Variants in KIAA0319 observed in about 807,000 individuals in gnomAD.
KIAA0319 encodes the protein KIAA0319, also known as dyslexia-associated protein KIAA0319.
A neutral mutation model predicts 108.4 loss-of-function variants in KIAA0319; 83 were observed. The observed-to-expected ratio is 0.77, with a 90% CI of 0.64 to 0.92. KIAA0319 has a LOEUF of 0.92. KIAA0319 is among the 40% of genes least tolerant of loss of function. The pLI is 0.00. For missense variants in KIAA0319, 1,195 were observed against 1,322.4 expected (o/e 0.90, Z 1.49); for synonymous variants, 484 against 510.4 (o/e 0.95, Z 0.70).
chr6:24,600,840 C>T, intron 2 of KIAA0319: 2 of 765,412 alleles, frequency 2.6e-6, no homozygotes, highest in South Asian at 4.1e-5. Context: ...TTTTATTTTC[C>T]CATGGAATAG....
At position 24,645,918 on chromosome 6, in the gene KIAA0319, T is replaced by G. The variant is rs1758352209; in HGVS notation, c.-288A>C. ...ACACCCTCGCGCGCGCACCTGCTGT[T>G]AAGAGGTACAGCCCCACCCCAGCAA... is the stretch of plus-strand genomic sequence containing the variant. On this transcript the variant is annotated 5_prime_UTR_variant, in exon 1 of 21. Transcript: ENST00000378214. The G allele has an allele frequency of 1.3e-5, 2 of 149,894 alleles. No homozygotes were observed. Among genetic ancestry groups the G allele is most frequent in the Admixed American group, 1.3e-4 (2 of 14,872 alleles). 9.3% of individuals were successfully genotyped at this position (149,894 alleles called of 1,614,324 possible). A position where few individuals can be genotyped will look rare whatever the true frequency, so the allele number is the denominator to read the frequency against.
intron 1 of KIAA0319, among the ~76,000 whole-genome samples, chr6:24,644,607 A>AG (rs990960075): frequency 2.7e-5 from 2 of 75,004 alleles, no homozygotes; most frequent in African/African-American, 6.7e-5. Context: ...TCTATTGGCT[A>AG]GGGAAAAAAA....
At chr6:24,570,887 G>T (rs1354153814) in intron 11 of KIAA0319, among the ~76,000 whole-genome samples, 1 of 152,110 alleles carries the variant, frequency 6.6e-6, no homozygotes, top group African/African-American at 2.4e-5. Context: ...AAAAGTAAAA[G>T]ATATAAAGTA....
intron 1 of KIAA0319, among the ~76,000 whole-genome samples, chr6:24,629,310 T>C (rs1182031615): frequency 6.6e-6 from 1 of 151,844 alleles, no homozygotes; most frequent in Non-Finnish European, 1.5e-5. Context: ...GGTCAGGAGA[T>C]TGAGACCATC....
chr6:24,627,704 T>C (rs1274729177), intron 1 of KIAA0319, among the ~76,000 whole-genome samples: 1 of 152,218 alleles, frequency 6.6e-6, no homozygotes, highest in Non-Finnish European at 1.5e-5. Context: ...TAACCTTTCC[T>C]ACTCCGTAAA....
intron 1 of KIAA0319, among the ~76,000 whole-genome samples, chr6:24,640,497 A>C (rs1776778419): frequency 6.6e-6 from 1 of 152,214 alleles, no homozygotes. Context: ...TGAGATAAGA[A>C]GATGAAAAAA....
At chr6:24,638,473 A>G (rs1358715893) in intron 1 of KIAA0319, among the ~76,000 whole-genome samples, 2 of 152,186 alleles carry the variant, frequency 1.3e-5, no homozygotes, top group African/African-American at 4.8e-5. Context: ...AGAATTAGAA[A>G]GAGGCAGCCG....
chr6:24,545,636 C>T lies in KIAA0319; in HGVS notation c.*1529G>A, dbSNP rs952052542. 6.6e-6 allele frequency: 1 copy of T among 152,116 alleles called. No individual in the cohort carries two copies. Among genetic ancestry groups the T allele is most frequent in the Non-Finnish European group, 1.5e-5 (1 of 68,024 alleles). The allele number at this position is 152,116 out of a possible 1,614,324, so 9.4% of individuals were successfully genotyped here. On this transcript the variant is annotated 3_prime_UTR_variant, in exon 21 of 21. Coordinates refer to ENST00000378214, the MANE Select transcript of KIAA0319 (RefSeq NM_014809.4). ...AGCAATTATTTTAAAAATAAAATGA[C>T]ACACTTTTTAGTTCTGCCTTTCCCC... is the stretch of plus-strand genomic sequence containing the variant.
At position 24,601,464 on chromosome 6, in the gene KIAA0319, C is replaced by T. The variant is rs1770610458; in HGVS notation, c.-105-256G>A. Among the ~76,000 whole-genome samples, 6 of 152,292 alleles carry T rather than the reference C, an allele frequency of 3.9e-5. No individual in the cohort carries two copies. In the South Asian group the frequency reaches 8.3e-4, roughly 21 times the overall value. On this transcript the variant is annotated intron_variant, in intron 1 of 20. Coordinates refer to ENST00000378214, the MANE Select transcript of KIAA0319 (RefSeq NM_014809.4). ...ACGAGGACCAGTCAAATGAGAAAAG[C>T]AAAGGCTATTTATTCAGAGCTTGTT...
At chr6:24,566,845 G>A in intron 13 of KIAA0319, 97 bp from the exon 14 acceptor site, 2 of 1,138,858 alleles carry the variant, frequency 1.8e-6, no homozygotes. Context: ...CTTCCACCTT[G>A]CAGATACAGT....
At chr6:24,594,470 T>C (rs1769116577) in intron 3 of KIAA0319, among the ~76,000 whole-genome samples, 1 of 151,140 alleles carries the variant, frequency 6.6e-6, no homozygotes, top group East Asian at 1.9e-4. Flanking sequence ...TACTAAAAAA[T>C]ACAAAAATTA....
In KIAA0319 at chr6:24,566,711, T is replaced by C. The variant is rs199836688; in HGVS notation, c.2178A>G (p.Arg726=). ...AATTATTGGGAAGCACAAGAACATG[T>C]CTGCCACCAGCCCGGGCTCTGGGAG... ...NSPPRARAGG[R]HVLVLPNNSI... The change falls in exon 14 of 21, where the codon AGA becomes AGG. Residue 726 remains arginine (R), a synonymous_variant. Coordinates refer to ENST00000378214, the MANE Select transcript of KIAA0319 (RefSeq NM_014809.4). 6.2e-7 allele frequency: 1 copy of C among 1,613,512 alleles called. No homozygotes were observed. The highest frequency in any genetic ancestry group is 1.3e-5 in the African/African-American group (1 of 75,022).
intron 1 of KIAA0319, among the ~76,000 whole-genome samples, chr6:24,605,897 T>C (rs116405676): frequency 0.021 from 3,173 of 152,298 alleles, 52 homozygotes; most frequent in African/African-American, 0.037. Flanking sequence ...CATTCTGACA[T>C]AGGTTTTTAA....
chr6:24,557,200 T>C (rs1205776768), intron 17 of KIAA0319, among the ~76,000 whole-genome samples: 2 of 135,118 alleles, frequency 1.5e-5, no homozygotes, highest in Non-Finnish European at 3.1e-5. Context: ...CAAGACTTTG[T>C]CTCAAAAAAA....
chr6:24,566,565 T>C (rs1338889045), intron 14 of KIAA0319, 32 bp downstream of exon 14: 40 of 1,566,334 alleles, frequency 2.6e-5, no homozygotes, highest in Non-Finnish European at 3.3e-5. Context: ...TAATGATAAG[T>C]GGTCTAGGAG....
downstream of KIAA0319, among the ~76,000 whole-genome samples, chr6:24,541,866 A>G (rs1441904776): frequency 2.0e-5 from 3 of 152,114 alleles, no homozygotes; most frequent in African/African-American, 7.2e-5. Flanking sequence ...CTGGCTGGTC[A>G]TGGTGGCCCA....
intron 1 of KIAA0319, chr6:24,645,517 T>C (rs1056944896): frequency 1.3e-5 from 2 of 152,102 alleles, no homozygotes; most frequent in African/African-American, 4.8e-5. Context: ...ATTCGTGAGG[T>C]TGGGAAAAGA....
At chr6:24,630,683 G>GTATATATATATATATATATATATA (rs563881076) in intron 1 of KIAA0319, among the ~76,000 whole-genome samples, 2 of 100,694 alleles carry the variant, frequency 2.0e-5, no homozygotes, top group African/African-American at 6.1e-5. Context: ...GTGTATATGT[G>GTATATATATATATATATATATATA]TATATATATA....
At chr6:24,605,273 T>C (rs554312472) in intron 1 of KIAA0319, among the ~76,000 whole-genome samples, 13 of 152,378 alleles carry the variant, frequency 8.5e-5, no homozygotes, top group Middle Eastern at 3.4e-3. Context: ...CAGGAAAAGA[T>C]GCTGCTGAGT....
Sources: allele counts gnomAD v4.1 joint callset (sites outside exome capture counted in the v4.1 genomes callset), GRCh38; gene constraint gnomAD v4.1.1; transcripts MANE v1.5; gene names NCBI Gene and HGNC (gene_info 2026-07-23, HGNC 2026-07-21).